Variants in PTPRN2 observed in about 807,000 individuals in gnomAD.
The protein encoded by PTPRN2 is receptor-type tyrosine-protein phosphatase N2.
Under a neutral mutation model 118.8 loss-of-function variants are expected in PTPRN2, and 74 were observed. That is an observed-to-expected ratio of 0.62 (90% CI 0.52 to 0.76). PTPRN2 has a LOEUF of 0.76. PTPRN2 is among the 30% of genes least tolerant of loss of function. PTPRN2 has a pLI of 0.00. For synonymous variants in PTPRN2, 641 were observed against 608.0 expected (o/e 1.05, Z -0.80); for missense variants, 1,481 against 1,394.4 (o/e 1.06, Z -0.99).
At chr7:158,270,924 C>G (rs1457939136) in intron 3 of PTPRN2, among the ~76,000 whole-genome samples, 5 of 53,680 alleles carry the variant, frequency 9.3e-5, no homozygotes, top group African/African-American at 1.6e-4. Flanking sequence ...ACCTGGACCA[C>G]CCCCCCCACC....
intron 22 of PTPRN2, among the ~76,000 whole-genome samples, chr7:157,547,718 C>T (rs959607228): frequency 2.6e-5 from 4 of 152,222 alleles, no homozygotes; most frequent in Admixed American, 6.5e-5. Flanking sequence ...CAGACACACA[C>T]GCCTCAGTGG....
In PTPRN2 at chr7:158,341,864, C is replaced by A. The variant is rs55735933; in HGVS notation, c.164-24932G>T. ...CCCACACTCTCACCATAAGAGTGTG[C>A]CCCGCAGGCGTCACTCACACCCACA... On this transcript the variant is annotated intron_variant, in intron 2 of 22. Coordinates refer to ENST00000389418, the MANE Select transcript of PTPRN2 (RefSeq NM_002847.5). 6.5e-4 allele frequency among the ~76,000 whole-genome samples: 55 copies of A among 85,012 alleles called. 5 individuals carry two copies. Among genetic ancestry groups the A allele is most frequent in the African/African-American group, 2.2e-3 (41 of 18,302 alleles). 55.8% of individuals were successfully genotyped at this position (85,012 alleles called of 152,430 possible).
intron 11 of PTPRN2, among the ~76,000 whole-genome samples, chr7:157,914,737 C>A (rs1798300719): frequency 6.6e-6 from 1 of 152,054 alleles, no homozygotes; most frequent in African/African-American, 2.4e-5. Flanking sequence ...TGCTAAAATG[C>A]TTATGAACTG....
chr7:157,672,159 G>GA (rs1291968638), intron 13 of PTPRN2, among the ~76,000 whole-genome samples: 1 of 152,008 alleles, frequency 6.6e-6, no homozygotes, highest in Non-Finnish European at 1.5e-5. Flanking sequence ...AGATGTGTCT[G>GA]AAAACCCCCC....
intron 12 of PTPRN2, among the ~76,000 whole-genome samples, chr7:157,756,057 T>C (rs1159544614): frequency 1.3e-5 from 2 of 152,134 alleles, no homozygotes; most frequent in African/African-American, 4.8e-5. Context: ...GTAGGATTTG[T>C]ACCACTGCAC....
intron 9 of PTPRN2, among the ~76,000 whole-genome samples, chr7:158,124,079 G>C (rs1193524648): frequency 6.6e-6 from 1 of 152,242 alleles, no homozygotes; most frequent in African/African-American, 2.4e-5. Context: ...TGGGACCTGA[G>C]TTGCCCATCA....
In PTPRN2 at chr7:157,787,977, G is replaced by A. The variant is rs145449371; in HGVS notation, c.1789-105040C>T. Among the ~76,000 whole-genome samples, 11 of 152,272 alleles carry A rather than the reference G, an allele frequency of 7.2e-5. No homozygotes were observed. The highest frequency in any genetic ancestry group is 1.7e-4 in the African/African-American group (7 of 41,562). On this transcript the variant is annotated intron_variant, in intron 12 of 22. Transcript: ENST00000389418. The surrounding 1 kb of genome is among the most constrained non-coding windows in gnomAD (Gnocchi z 5.3). Reference sequence around the variant, plus strand: ...CAGCACCGGGTCCCCTGGGAACCACGCAGCCGGGGCCTGGAGGCCGACACA... The same window carrying A: ...CAGCACCGGGTCCCCTGGGAACCACACAGCCGGGGCCTGGAGGCCGACACA...
chr7:157,727,735 C>T (rs1189558820), intron 12 of PTPRN2, among the ~76,000 whole-genome samples: 1 of 152,208 alleles, frequency 6.6e-6, no homozygotes, highest in African/African-American at 2.4e-5. Context: ...GAGAAAAAGG[C>T]TTGAGAGAAC....
intron 6 of PTPRN2, among the ~76,000 whole-genome samples, chr7:158,141,149 G>A (rs1033117031): frequency 6.6e-6 from 1 of 152,148 alleles, no homozygotes; most frequent in Non-Finnish European, 1.5e-5. Flanking sequence ...GGATCCCACT[G>A]CGACCCTCTG....
rs1801775838 is a variant in PTPRN2, at chr7:157,603,087, G to A, written c.2418+915C>T. On this transcript the variant is annotated intron_variant, in intron 16 of 22. Coordinates refer to ENST00000389418, the MANE Select transcript of PTPRN2 (RefSeq NM_002847.5). The surrounding 1 kb of genome is among the most constrained non-coding windows in gnomAD (Gnocchi z 5.4). ...TGGAGCCCCAGCCTCTCCACCACTGGTTTAAAGTGCCATCCGCCAGGTCTC... is the reference window on the plus strand; with the variant it reads ...TGGAGCCCCAGCCTCTCCACCACTGATTTAAAGTGCCATCCGCCAGGTCTC... Among the ~76,000 whole-genome samples, 1 of 152,174 alleles carries A rather than the reference G, an allele frequency of 6.6e-6. No individual in the cohort carries two copies. Among genetic ancestry groups the A allele is most frequent in the African/African-American group, 2.4e-5 (1 of 41,450 alleles).
Position 158,167,143 on chromosome 7 carries a change from A to C in PTPRN2, c.698T>G (p.Val233Gly). Residue 233 changes from valine to glycine, a missense_variant, in exon 6 of 23, where the codon GTG (valine) becomes GGG (glycine). Physicochemically the swap from Val to Gly is moderately radical, Grantham distance 109. Around this residue, in one of 3 missense-constraint regions of PTPRN2, gnomAD observed 1,115 missense variants for 994.2 expected, o/e 1.12. Transcript: ENST00000389418. Reference protein sequence around the residue: ...QLQPDELSPKVDSGVDRHHLM... With the variant: ...QLQPDELSPKGDSGVDRHHLM... ...ATGGTGTCTGTCCACACCACTGTCC[A>C]CCTTAGGGCTGAGCTCATCTGGCTG... 6.2e-7 allele frequency: 1 copy of C among 1,613,768 alleles called. No homozygotes were observed. Among genetic ancestry groups the C allele is most frequent in the Non-Finnish European group, 8.5e-7 (1 of 1,179,938 alleles).
At chr7:158,048,064 G>T (rs775537212) in intron 11 of PTPRN2, among the ~76,000 whole-genome samples, 114 of 152,086 alleles carry the variant, frequency 7.5e-4, no homozygotes, top group Non-Finnish European at 2.6e-4. Context: ...CAAGAATGGT[G>T]CATACACACT....
chr7:158,359,121 C>T (rs1808626977), intron 2 of PTPRN2, among the ~76,000 whole-genome samples: 1 of 152,286 alleles, frequency 6.6e-6, no homozygotes, highest in Admixed American at 6.5e-5. Flanking sequence ...TGGGAGGCCC[C>T]ATCAGCAAGG....
At chr7:157,575,606 T>C (rs1304427472) in intron 19 of PTPRN2, among the ~76,000 whole-genome samples, 1 of 152,244 alleles carries the variant, frequency 6.6e-6, no homozygotes, top group Non-Finnish European at 1.5e-5. Context: ...GAATCTGTAA[T>C]ACACAAATTC....
chr7:158,127,020 G>A (rs557575412), intron 9 of PTPRN2, among the ~76,000 whole-genome samples: 2 of 152,290 alleles, frequency 1.3e-5, no homozygotes, highest in African/African-American at 2.4e-5. Flanking sequence ...TCTCCGAGGT[G>A]CAAGAAAGTT....
At chr7:157,717,949 C>A (rs1476411966) in intron 12 of PTPRN2, among the ~76,000 whole-genome samples, 2 of 152,274 alleles carry the variant, frequency 1.3e-5, no homozygotes, top group Non-Finnish European at 2.9e-5. Flanking sequence ...CATGCGCAGC[C>A]ATTTCATGTA....
intron 1 of PTPRN2, among the ~76,000 whole-genome samples, chr7:158,571,849 C>T (rs376467233): frequency 8.5e-5 from 13 of 152,152 alleles, no homozygotes; most frequent in African/African-American, 2.9e-4. Context: ...TAAAATGGTG[C>T]ATTTATTCAC....
At chr7:158,394,831 A>G (rs2151385161) in intron 2 of PTPRN2, among the ~76,000 whole-genome samples, 1 of 152,218 alleles carries the variant, frequency 6.6e-6, no homozygotes, top group South Asian at 2.1e-4. Flanking sequence ...CACCTCCTAA[A>G]CAGCCCTGAC....
chr7:157,978,645 G>T (rs1802920087), intron 11 of PTPRN2, among the ~76,000 whole-genome samples: 1 of 151,944 alleles, frequency 6.6e-6, no homozygotes, highest in South Asian at 2.1e-4. Flanking sequence ...GCTCAGAGGT[G>T]AGCAGCTGAT....
Sources: gnomAD v4.1 joint callset for allele counts (sites outside exome capture counted in the v4.1 genomes callset) on GRCh38, gnomAD v4.1.1 for gene constraint, gnomAD v4.1.1 regional missense constraint, Gnocchi (gnomAD v3.1) non-coding constraint, MANE v1.5 for transcripts, NCBI Gene and HGNC (gene_info 2026-07-23, HGNC 2026-07-21) for gene names.